The following NDUFAF6 variants were observed in gnomAD, a reference collection of about 807,000 sequenced individuals.
NDUFAF6 encodes the protein NADH:ubiquinone oxidoreductase complex assembly factor 6, also known as NADH dehydrogenase (ubiquinone) complex I, assembly factor 6.
In NDUFAF6, 45 loss-of-function variants were observed where a neutral mutation model predicts 40.8. That is an observed-to-expected ratio of 1.10 (90% confidence interval 0.87 to 1.42). The LOEUF is 1.42. NDUFAF6 is among the 40% of genes most tolerant of loss of function. The pLI, the probability that NDUFAF6 is intolerant of heterozygous loss-of-function variation, is 0.00. For synonymous variants in NDUFAF6, 185 were observed against 155.9 expected (o/e 1.19, Z -1.39); for missense variants, 435 against 418.5 (o/e 1.04, Z -0.34).
chr8:94,964,218 A>G (rs1823826008), intron 1 of NDUFAF6, among the ~76,000 whole-genome samples: 1 of 152,140 alleles, frequency 6.6e-6, no homozygotes, highest in Non-Finnish European at 1.5e-5. Context: ...CCTTGAGCCT[A>G]GGAGTTTGAG....
intron 2 of NDUFAF6, among the ~76,000 whole-genome samples, chr8:95,004,105 T>A (rs1320165): frequency 0.99 from 151,161 of 152,184 alleles, 75,080 homozygotes; most frequent in East Asian, 1. Context: ...GGGGAGGCTG[T>A]CCTCTGCAGA....
intron 6 of NDUFAF6, 86 bp downstream of exon 6, chr8:95,047,213 C>T (rs1830876745): frequency 6.4e-7 from 1 of 1,565,012 alleles, no homozygotes; most frequent in South Asian, 1.1e-5. Context: ...TTAGTCTATT[C>T]AAGTAATTGC....
At chr8:94,987,399 CAT>C (rs1010010088) in intron 2 of NDUFAF6, among the ~76,000 whole-genome samples, 16 of 152,278 alleles carry the variant, frequency 1.1e-4, no homozygotes, top group African/African-American at 3.9e-4. Context: ...CACACATACA[CAT>C]TAATGGAATA....
At chr8:94,941,847 G>A (rs918497514) in intron 1 of NDUFAF6, among the ~76,000 whole-genome samples, 4 of 152,178 alleles carry the variant, frequency 2.6e-5, no homozygotes, top group African/African-American at 9.7e-5. Context: ...AGAACTCCAG[G>A]CTTGCTTGAT....
rs1390747142 is a variant in NDUFAF6, at chr8:94,985,537, T to A, written c.-84+4564T>A. Among the ~76,000 whole-genome samples the A allele has an allele frequency of 1.1e-3, 78 of 71,894 alleles. 1 individual carries two copies. The highest frequency in any genetic ancestry group is 1.8e-3 in the Non-Finnish European group (65 of 36,142). 47.2% of individuals were successfully genotyped at this position (71,894 alleles called of 152,430 possible). ...TATATTTTTTTTTTTTTTTTTTTTTTTTTTTTTTTTTTTTCTGAGACAGAA... is the reference window on the plus strand; with the variant it reads ...TATATTTTTTTTTTTTTTTTTTTTTATTTTTTTTTTTTTTCTGAGACAGAA... On this transcript the variant is annotated intron_variant, in intron 2 of 9. Transcript: ENST00000396111.
intron 2 of NDUFAF6, among the ~76,000 whole-genome samples, chr8:94,995,984 G>C (rs1826412367): frequency 6.6e-6 from 1 of 152,182 alleles, no homozygotes; most frequent in Non-Finnish European, 1.5e-5. Context: ...CATCATATTG[G>C]TCAGGTTGGT....
intron 1 of NDUFAF6, among the ~76,000 whole-genome samples, chr8:94,911,340 G>C (rs573292343): frequency 7.2e-5 from 11 of 152,274 alleles, no homozygotes; most frequent in Admixed American, 4.6e-4. Flanking sequence ...TATAAAAAGG[G>C]AATAACACCT....
At chr8:94,935,929 T>C (rs1184158595) in intron 1 of NDUFAF6, among the ~76,000 whole-genome samples, 1 of 152,168 alleles carries the variant, frequency 6.6e-6, no homozygotes, top group Non-Finnish European at 1.5e-5. Context: ...ATGACAATAT[T>C]AACTGGACAT....
At chr8:95,051,723 G>T (rs1831453381) in intron 7 of NDUFAF6, among the ~76,000 whole-genome samples, 1 of 152,158 alleles carries the variant, frequency 6.6e-6, no homozygotes, top group South Asian at 2.1e-4. Flanking sequence ...AGGTAAAAAT[G>T]AAATGATGAT....
intron 9 of NDUFAF6, among the ~76,000 whole-genome samples, chr8:95,065,298 G>A (rs1024304879): frequency 1.3e-5 from 2 of 152,172 alleles, no homozygotes; most frequent in African/African-American, 4.8e-5. Flanking sequence ...TGGATCTGAC[G>A]CTATCTCTAG....
intron 3 of NDUFAF6, among the ~76,000 whole-genome samples, chr8:95,038,553 G>T (rs1327632319): frequency 3.9e-5 from 6 of 151,920 alleles, no homozygotes; most frequent in African/African-American, 1.5e-4. Flanking sequence ...TCACTTTGTT[G>T]CCCAGGCTGG....
At chr8:94,937,212 C>T (rs1045399801) in intron 1 of NDUFAF6, among the ~76,000 whole-genome samples, 2 of 152,004 alleles carry the variant, frequency 1.3e-5, no homozygotes, top group South Asian at 2.1e-4. Context: ...GAGGCAGAGG[C>T]GGTGGATCAC....
In NDUFAF6 at chr8:94,901,939, C is replaced by G. The variant is rs547652585; in HGVS notation, c.-936+6012C>G. ...AGTTGAAAGGATTTTATAATGAACA[C>G]CCATATGCCATACCACCTGTATTCC... On this transcript the variant is annotated intron_variant, in intron 1 of 14. Coordinates refer to the NDUFAF6 transcript ENST00000396113. Among the ~76,000 whole-genome samples the G allele has an allele frequency of 6.6e-5, 10 of 152,272 alleles. No individual in the cohort carries two copies. In the South Asian group the frequency reaches 1.5e-3, roughly 22 times the overall value.
At chr8:94,995,399 T>C (rs1217895209) in intron 2 of NDUFAF6, among the ~76,000 whole-genome samples, 2 of 152,162 alleles carry the variant, frequency 1.3e-5, no homozygotes, top group Non-Finnish European at 2.9e-5. Flanking sequence ...CACAATAACA[T>C]TCATATACTT....
At chr8:94,959,604 C>T (rs994835145) in intron 1 of NDUFAF6, among the ~76,000 whole-genome samples, 2 of 151,146 alleles carry the variant, frequency 1.3e-5, no homozygotes, top group Admixed American at 6.6e-5. Flanking sequence ...ATTCATGGCT[C>T]ACTGCAGCCT....
chr8:94,938,049 A>T (rs1047666660), intron 1 of NDUFAF6, among the ~76,000 whole-genome samples: 5 of 152,186 alleles, frequency 3.3e-5, no homozygotes, highest in Non-Finnish European at 7.3e-5. Context: ...TAGGTTATGA[A>T]TTGGGATCAA....
upstream of NDUFAF6, among the ~76,000 whole-genome samples, chr8:94,955,012 C>G (rs944094332): frequency 6.6e-6 from 1 of 152,152 alleles, no homozygotes; most frequent in African/African-American, 2.4e-5. Flanking sequence ...AAGGAAAGAA[C>G]AGATAATTAT....
chr8:95,059,733 C>A (rs1208788151), downstream of NDUFAF6, among the ~76,000 whole-genome samples: 7 of 152,208 alleles, frequency 4.6e-5, no homozygotes, highest in East Asian at 1.4e-3. Context: ...CCTGTAGTCC[C>A]AGCTACTCGG....
chr8:94,914,848 G>A (rs1002312593), intron 1 of NDUFAF6, among the ~76,000 whole-genome samples: 1 of 151,832 alleles, frequency 6.6e-6, no homozygotes, highest in Non-Finnish European at 1.5e-5. Context: ...AAATACAAAA[G>A]TGAGTAACAT....
Sources: gnomAD v4.1 joint callset for allele counts (sites outside exome capture counted in the v4.1 genomes callset) on GRCh38, gnomAD v4.1.1 for gene constraint, MANE v1.5 for transcripts, NCBI Gene and HGNC (gene_info 2026-07-23, HGNC 2026-07-21) for gene names.